Variants in CDH20 observed in about 807,000 individuals in gnomAD.
CDH20 encodes the protein cadherin-20.
Under a neutral mutation model 74.2 loss-of-function variants are expected in CDH20, and 29 were observed. The observed-to-expected ratio is 0.39, with a 90% CI of 0.29 to 0.53. The LOEUF (loss-of-function observed/expected upper bound fraction) is 0.53, where lower values mean the gene tolerates loss of function less well. Ranked by LOEUF, CDH20 falls within the 20% of genes least tolerant of loss-of-function variation. The pLI, the probability that CDH20 is intolerant of heterozygous loss-of-function variation, is 0.69. For missense variants in CDH20, 988 were observed against 1,048.3 expected (o/e 0.94, Z 0.79); for synonymous variants, 469 against 405.4 (o/e 1.16, Z -1.88).
At chr18:61,469,707 G>T (rs1345193493) in intron 1 of CDH20, among the ~76,000 whole-genome samples, 2 of 152,158 alleles carry the variant, frequency 1.3e-5, no homozygotes, top group Non-Finnish European at 2.9e-5. Context: ...TATGTAAAGA[G>T]AAAATCACCC....
At chr18:61,499,546 ATG>A in intron 3 of CDH20, 66 bp downstream of exon 3, 21 of 1,174,166 alleles carry the variant, frequency 1.8e-5, no homozygotes, top group Non-Finnish European at 2.5e-5. Context: ...ACACACACAT[ATG>A]CACATGCACA....
At chr18:61,512,296 C>T (rs1423561978) in intron 6 of CDH20, among the ~76,000 whole-genome samples, 3 of 152,124 alleles carry the variant, frequency 2.0e-5, no homozygotes, top group African/African-American at 7.2e-5. Flanking sequence ...TCTGAATAAG[C>T]ATGATGTACC....
intron 1 of CDH20, among the ~76,000 whole-genome samples, chr18:61,403,403 A>C (rs1379316727): frequency 6.6e-6 from 1 of 152,220 alleles, no homozygotes; most frequent in African/African-American, 2.4e-5. Context: ...TCTTTAAAAT[A>C]CTTCTTGGGA....
At chr18:61,402,112 T>A (rs1373106316) in intron 1 of CDH20, among the ~76,000 whole-genome samples, 4 of 152,188 alleles carry the variant, frequency 2.6e-5, no homozygotes, top group Admixed American at 6.5e-5. Flanking sequence ...ACATTTTCCC[T>A]CACCTTGACT....
intron 1 of CDH20, among the ~76,000 whole-genome samples, chr18:61,396,052 T>TG (rs1491390399): frequency 0.29 from 41,113 of 143,836 alleles, 5,707 homozygotes; most frequent in Middle Eastern, 0.39. Context: ...TGTGTGTGTG[T>TG]TTGTGTGTGT....
chr18:61,378,028 C>T (rs1193133128), intron 1 of CDH20, among the ~76,000 whole-genome samples: 1 of 152,030 alleles, frequency 6.6e-6, no homozygotes. Flanking sequence ...CTTTGATGTC[C>T]CCGTTTTCCT....
At chr18:61,380,663 G>C (rs1599047351) in intron 1 of CDH20, among the ~76,000 whole-genome samples, 2 of 152,128 alleles carry the variant, frequency 1.3e-5, no homozygotes, top group East Asian at 3.9e-4. Flanking sequence ...TACAAAATTA[G>C]CCCAGCGTGG....
chr18:61,503,382 C>A (rs1294489618), intron 5 of CDH20, among the ~76,000 whole-genome samples: 11 of 152,126 alleles, frequency 7.2e-5, no homozygotes, highest in Admixed American at 7.2e-4. Flanking sequence ...TTCCTGATTG[C>A]CACGCCCACC....
intron 1 of CDH20, among the ~76,000 whole-genome samples, chr18:61,409,209 T>G (rs1189994585): frequency 1.3e-5 from 2 of 152,222 alleles, no homozygotes; most frequent in African/African-American, 2.4e-5. Flanking sequence ...TTTGCCACCA[T>G]AAACCACGTA....
At chr18:61,550,407 G>C (rs933958129) in intron 11 of CDH20, among the ~76,000 whole-genome samples, 178 bp downstream of exon 11, 1 of 152,214 alleles carries the variant, frequency 6.6e-6, no homozygotes, top group African/African-American at 2.4e-5. Flanking sequence ...TCCCTTCTTC[G>C]AGGTGTCTGT....
At chr18:61,386,380 A>C (rs1911601378) in intron 1 of CDH20, among the ~76,000 whole-genome samples, 1 of 152,184 alleles carries the variant, frequency 6.6e-6, no homozygotes, top group African/African-American at 2.4e-5. Flanking sequence ...CTTTCTTTTG[A>C]GGTCTCATGG....
At chr18:61,400,068 T>C (rs1244170025) in intron 1 of CDH20, among the ~76,000 whole-genome samples, 1 of 152,216 alleles carries the variant, frequency 6.6e-6, no homozygotes, top group Non-Finnish European at 1.5e-5. Context: ...AAAGTCTTTG[T>C]TGGTCTTAAT....
At chr18:61,434,140 A>G (rs867473301) in intron 1 of CDH20, among the ~76,000 whole-genome samples, 1 of 152,140 alleles carries the variant, frequency 6.6e-6, no homozygotes, top group Admixed American at 6.5e-5. Flanking sequence ...TTCACATAGC[A>G]TTCTATATGA....
At chr18:61,406,263 T>C (rs1451421243) in intron 1 of CDH20, among the ~76,000 whole-genome samples, 8 of 152,274 alleles carry the variant, frequency 5.3e-5, no homozygotes, top group Non-Finnish European at 1.2e-4. Flanking sequence ...CAGAGACTGC[T>C]AAAAACTTGT....
At chr18:61,436,951 G>A (rs184376279) in intron 1 of CDH20, among the ~76,000 whole-genome samples, 9 of 152,184 alleles carry the variant, frequency 5.9e-5, no homozygotes, top group East Asian at 1.9e-4. Flanking sequence ...TTTCCTTTGC[G>A]TGTAAATGAA....
chr18:61,400,427 C>A (rs1464031088), intron 1 of CDH20, among the ~76,000 whole-genome samples: 2 of 152,062 alleles, frequency 1.3e-5, no homozygotes, highest in African/African-American at 4.8e-5. Context: ...TTGCGAAAGA[C>A]CTAAAGGCAA....
At chr18:61,429,726 C>G (rs1018234499) in intron 1 of CDH20, among the ~76,000 whole-genome samples, 2 of 152,298 alleles carry the variant, frequency 1.3e-5, no homozygotes, top group South Asian at 2.1e-4. Flanking sequence ...GCAATTCTCT[C>G]TAATTCCCAG....
At chr18:61,447,170 G>A (rs144188576) in intron 1 of CDH20, among the ~76,000 whole-genome samples, 136 of 152,312 alleles carry the variant, frequency 8.9e-4, no homozygotes, top group African/African-American at 3.2e-3. Context: ...AAACACGAAC[G>A]TTTGAATATG....
chr18:61,492,242 G>A (rs570094482), intron 2 of CDH20, among the ~76,000 whole-genome samples: 97 of 151,710 alleles, frequency 6.4e-4, no homozygotes, highest in African/African-American at 2.1e-3. Flanking sequence ...CCTTTCCCCT[G>A]CCCACACATT....
Sources: gnomAD v4.1 joint callset for allele counts (sites outside exome capture counted in the v4.1 genomes callset) on GRCh38, gnomAD v4.1.1 for gene constraint, MANE v1.5 for transcripts, NCBI Gene and HGNC (gene_info 2026-07-23, HGNC 2026-07-21) for gene names.